Variants in CACNA1C observed in about 807,000 individuals in gnomAD.
CACNA1C encodes voltage-dependent L-type calcium channel subunit alpha-1C.
In CACNA1C, 30 loss-of-function variants were observed where a neutral mutation model predicts 229.0. That is an observed-to-expected ratio of 0.13 (90% CI 0.10 to 0.18). CACNA1C has a LOEUF of 0.18. Ranked by LOEUF, CACNA1C falls within the 10% of genes least tolerant of loss-of-function variation. The pLI is 1.00. For missense variants in CACNA1C, 1,658 were observed against 2,845.0 expected (o/e 0.58, Z 9.49); for synonymous variants, 1,114 against 1,132.5 (o/e 0.98, Z 0.33).
intron 1 of CACNA1C, among the ~76,000 whole-genome samples, chr12:1,979,067 T>C (rs766617966): frequency 6.6e-6 from 1 of 152,200 alleles, no homozygotes; most frequent in Non-Finnish European, 1.5e-5. Context: ...TGGAGTGCAA[T>C]GGCGCGATCT....
intron 3 of CACNA1C, among the ~76,000 whole-genome samples, chr12:2,254,212 G>T (rs967862909): frequency 4.6e-5 from 7 of 152,308 alleles, no homozygotes; most frequent in African/African-American, 1.7e-4. Flanking sequence ...AGAGCCCCTA[G>T]GCAGGCACCC....
rs543345645 is a variant in CACNA1C at position 2,524,704 on chromosome 12, G to A, written c.1390+11720G>A. ...CAGTCTCCCCTGTCTGCTCTGCATC[G>A]GGCCAGCAGAAGAGGGAGCAGAGGG... On this transcript the variant is annotated intron_variant, in intron 9 of 46. Coordinates refer to ENST00000399655, the MANE Select transcript of CACNA1C (RefSeq NM_000719.7). 5.3e-5 allele frequency among the ~76,000 whole-genome samples: 8 copies of A among 152,244 alleles called. No homozygotes were observed. In the East Asian group the frequency reaches 9.7e-4, roughly 18 times the overall value.
At chr12:2,476,537 T>A (rs904663728) in intron 5 of CACNA1C, among the ~76,000 whole-genome samples, 1 of 152,240 alleles carries the variant, frequency 6.6e-6, no homozygotes, top group East Asian at 1.9e-4. Flanking sequence ...AATACTATTA[T>A]TGTTGTTGTT....
intron 3 of CACNA1C, among the ~76,000 whole-genome samples, chr12:2,349,446 T>C (rs533227643): frequency 6.6e-6 from 1 of 152,124 alleles, no homozygotes; most frequent in South Asian, 2.1e-4. Flanking sequence ...ATGGAAGGGC[T>C]CAGGTGAAAT....
intron 44 of CACNA1C, 70 bp downstream of exon 44, chr12:2,685,912 T>C: frequency 8.5e-7 from 1 of 1,172,808 alleles, no homozygotes; most frequent in South Asian, 1.3e-5. Context: ...CAGGGATGAT[T>C]GGGAAATCGT....
chr12:2,224,730 T>G (rs2062457247), intron 3 of CACNA1C, among the ~76,000 whole-genome samples: 1 of 152,162 alleles, frequency 6.6e-6, no homozygotes, highest in Non-Finnish European at 1.5e-5. Flanking sequence ...CAGGTCAGTG[T>G]TGGAGATAAT....
chr12:2,083,344 G>C (rs1232082367), intron 1 of CACNA1C, among the ~76,000 whole-genome samples: 1 of 152,214 alleles, frequency 6.6e-6, no homozygotes, highest in Non-Finnish European at 1.5e-5. Flanking sequence ...GTAGATCCCA[G>C]CATTGCCAGG....
intron 3 of CACNA1C, among the ~76,000 whole-genome samples, chr12:2,345,580 A>G (rs1390707217): frequency 6.6e-6 from 1 of 152,222 alleles, no homozygotes; most frequent in Non-Finnish European, 1.5e-5. Context: ...GTGATTAAGA[A>G]ACTTCTCTAA....
intron 1 of CACNA1C, among the ~76,000 whole-genome samples, chr12:2,096,333 A>G (rs139663655): frequency 0.013 from 1,925 of 152,274 alleles, 50 homozygotes; most frequent in African/African-American, 0.044. Flanking sequence ...GGCCTATGTC[A>G]TGTGCTGAGG....
At chr12:2,384,231 CTT>C (rs1206089073) in intron 3 of CACNA1C, among the ~76,000 whole-genome samples, 1 of 152,228 alleles carries the variant, frequency 6.6e-6, no homozygotes, top group East Asian at 1.9e-4. Flanking sequence ...ACTGTACTGT[CTT>C]TGTGTAAGAG....
chr12:2,432,571 G>T (rs1032641129), intron 3 of CACNA1C, among the ~76,000 whole-genome samples: 52 of 152,210 alleles, frequency 3.4e-4, no homozygotes, highest in African/African-American at 1.2e-3. Context: ...CCGGGGCTAA[G>T]GGAGTTGGAG....
intron 1 of CACNA1C, among the ~76,000 whole-genome samples, chr12:1,975,171 G>A (rs2033930300): frequency 6.6e-6 from 1 of 152,012 alleles, no homozygotes; most frequent in African/African-American, 2.4e-5. Flanking sequence ...TATAGACATA[G>A]GAGATACTAC....
At chr12:2,494,275 AT>A (rs2099742307) in intron 7 of CACNA1C, among the ~76,000 whole-genome samples, 1 of 152,204 alleles carries the variant, frequency 6.6e-6, no homozygotes, top group Non-Finnish European at 1.5e-5. Flanking sequence ...GAAGTGCCAG[AT>A]TTTTGTACAG....
At chr12:2,004,302 C>A in intron 1 of CACNA1C, 1 of 1,613,246 alleles carries the variant, frequency 6.2e-7, no homozygotes, top group African/African-American at 1.3e-5. Context: ...GCCCGATGGC[C>A]GAAGGTGTAC....
In CACNA1C at chr12:2,601,725, C is replaced by T; in HGVS notation, c.2854-129C>T. On this transcript the variant is annotated intron_variant, in intron 21 of 46. Transcript: ENST00000399655. The surrounding 1 kb of genome is among the most constrained non-coding windows in gnomAD (Gnocchi z 5.9). ...TTGGCACCATAGCGCCGTCTTTGTCCTTCCTGTTCCCCATGGATGGTGCTT... is the reference window on the plus strand; with the variant it reads ...TTGGCACCATAGCGCCGTCTTTGTCTTTCCTGTTCCCCATGGATGGTGCTT... 1 of 710,892 alleles carries T rather than the reference C, an allele frequency of 1.4e-6. No individual in the cohort carries two copies. 44.0% of individuals were successfully genotyped at this position (710,892 alleles called of 1,614,324 possible).
chr12:2,457,573 T>C lies in CACNA1C; in HGVS notation c.624T>C (p.Phe208=), dbSNP rs753028827. The change falls in exon 5 of 47, where the codon TTT becomes TTC. Residue 208 remains phenylalanine, a synonymous_variant. Coordinates refer to ENST00000399655, the MANE Select transcript of CACNA1C (RefSeq NM_000719.7). ...TCTCTTTCCTCTCTTCTAGGCTTTT[T>C]AGTGCAATTTTAGAACAAGCAACCA... The part of the protein sequence containing the change: ...LDFIIVVVGL[F]SAILEQATKA... The C allele has an allele frequency of 5.0e-6, 8 of 1,611,260 alleles. No individual in the cohort carries two copies. The highest frequency in any genetic ancestry group is 6.8e-6 in the Non-Finnish European group (8 of 1,178,580).
At chr12:2,224,885 T>C (rs1380413054) in intron 3 of CACNA1C, among the ~76,000 whole-genome samples, 1 of 152,208 alleles carries the variant, frequency 6.6e-6, no homozygotes, top group African/African-American at 2.4e-5. Context: ...GAGACGGTTA[T>C]GTACCTTAGC....
Position 2,043,171 on chromosome 12 carries a change from A to C in CACNA1C, c.139+71970A>C, listed in dbSNP as rs1406629004. ...TGAATTAGAATCATTGACTGATATT[A>C]TGCTGATTGGAACAGAAGTCAATTC... On this transcript the variant is annotated intron_variant, in intron 1 of 46. Transcript: ENST00000682462. Among the ~76,000 whole-genome samples the C allele has an allele frequency of 3.9e-5, 6 of 152,356 alleles. No homozygotes were observed. The East Asian group carries it at 1.2e-3, about 29-fold the overall frequency.
chr12:2,003,796 A>G (rs1032880458), intron 1 of CACNA1C, among the ~76,000 whole-genome samples: 23 of 152,268 alleles, frequency 1.5e-4, no homozygotes, highest in African/African-American at 5.1e-4. Flanking sequence ...TTAAGTTTAC[A>G]ACTTGCAGAT....
Sources: gnomAD v4.1 joint callset for allele counts (sites outside exome capture counted in the v4.1 genomes callset) on GRCh38, gnomAD v4.1.1 for gene constraint, Gnocchi (gnomAD v3.1) non-coding constraint, MANE v1.5 for transcripts, NCBI Gene and HGNC (gene_info 2026-07-23, HGNC 2026-07-21) for gene names.